The following ARHGAP6 variants were observed in gnomAD, a reference collection of about 807,000 sequenced individuals.
ARHGAP6 encodes rho GTPase-activating protein 6.
ARHGAP6 carries 16 observed loss-of-function variants against 55.7 expected under a neutral mutation model. The ratio of observed to expected loss-of-function variants is 0.29; its 90% confidence interval spans 0.19 to 0.44. The LOEUF is 0.44. Among genes scored for constraint, ARHGAP6 ranks in the 20% least tolerant of loss-of-function variants. The pLI is 1.00. For synonymous variants in ARHGAP6, 382 were observed against 360.9 expected (o/e 1.06, Z -0.66); for missense variants, 698 against 808.9 (o/e 0.86, Z 1.66).
chrX:11,388,947 G>T (rs1424538492), intron 1 of ARHGAP6, among the ~76,000 whole-genome samples: 2 of 112,126 alleles, frequency 1.8e-5, no homozygotes, highest in African/African-American at 6.5e-5. Context: ...GCAACACGGA[G>T]ATAAGAATGT....
At chrX:11,166,679 T>C (rs1426263776) in intron 9 of ARHGAP6, among the ~76,000 whole-genome samples, 2 of 112,200 alleles carry the variant, frequency 1.8e-5, no homozygotes, top group African/African-American at 6.5e-5. Context: ...TTTTCTCCTG[T>C]GCTTTATAAA....
chrX:11,169,739 G>T, intron 8 of ARHGAP6, 55 bp from the exon 9 acceptor site: 1 of 940,421 alleles, frequency 1.1e-6, no homozygotes, highest in Non-Finnish European at 1.4e-6. Context: ...CAAGATACTG[G>T]GTGATTCAAC....
intron 1 of ARHGAP6, among the ~76,000 whole-genome samples, chrX:11,468,752 T>C (rs778545577): frequency 8.9e-6 from 1 of 112,299 alleles, no homozygotes; most frequent in South Asian, 3.7e-4. Context: ...TGATGCTAAG[T>C]GGCAATTTCT....
chrX:11,463,170 C>T (rs1446357763), intron 1 of ARHGAP6, among the ~76,000 whole-genome samples: 2 of 111,972 alleles, frequency 1.8e-5, no homozygotes, highest in East Asian at 2.8e-4. Flanking sequence ...CCTCACTATA[C>T]AGTGAAGTTA....
chrX:11,234,371 T>C (rs2047171353), intron 2 of ARHGAP6, among the ~76,000 whole-genome samples: 1 of 112,479 alleles, frequency 8.9e-6, no homozygotes, highest in East Asian at 2.8e-4. Context: ...CTTGCATATT[T>C]GGAGCCTTTC....
chrX:11,638,251 T>C (rs1266482618), intron 1 of ARHGAP6, among the ~76,000 whole-genome samples: 1 of 111,529 alleles, frequency 9.0e-6, no homozygotes, highest in African/African-American at 3.3e-5. Context: ...AATGACAAAG[T>C]CAAAAAAGAA....
chrX:11,482,901 G>A (rs770625067), intron 1 of ARHGAP6, among the ~76,000 whole-genome samples: 19 of 111,835 alleles, frequency 1.7e-4, no homozygotes, highest in African/African-American at 5.8e-4. Context: ...GTACTTCTCT[G>A]TGGAGTTGCA....
chrX:11,583,470 C>T (rs183219370), intron 1 of ARHGAP6, among the ~76,000 whole-genome samples: 6 of 112,218 alleles, frequency 5.3e-5, no homozygotes, highest in East Asian at 2.8e-4. Context: ...CTCTCTGTTA[C>T]GATCAAATCC....
At chrX:11,318,359 C>T (rs1336712444) in intron 1 of ARHGAP6, among the ~76,000 whole-genome samples, 10 of 111,859 alleles carry the variant, frequency 8.9e-5, no homozygotes, top group Non-Finnish European at 1.3e-4. Flanking sequence ...GAGCTTACAA[C>T]TAATGTAATC....
intron 1 of ARHGAP6, among the ~76,000 whole-genome samples, chrX:11,351,143 C>T (rs778002090): frequency 6.4e-5 from 7 of 109,112 alleles, no homozygotes; most frequent in Non-Finnish European, 1.1e-4. Flanking sequence ...AACCACAAAA[C>T]GGAATGTTTT....
intron 1 of ARHGAP6, among the ~76,000 whole-genome samples, chrX:11,579,714 G>C (rs1285493874): frequency 8.9e-6 from 1 of 112,082 alleles, no homozygotes; most frequent in Non-Finnish European, 1.9e-5. Context: ...ATCTCTAAAT[G>C]AATTATTATG....
At chrX:11,375,860 G>A (rs1381853491) in intron 1 of ARHGAP6, among the ~76,000 whole-genome samples, 2 of 111,736 alleles carry the variant, frequency 1.8e-5, no homozygotes, top group African/African-American at 6.5e-5. Context: ...GAGACCAAGA[G>A]GGCTCAAAGG....
intron 1 of ARHGAP6, among the ~76,000 whole-genome samples, chrX:11,527,398 G>A (rs1196028295): frequency 8.9e-6 from 1 of 111,875 alleles, no homozygotes; most frequent in Non-Finnish European, 1.9e-5. Flanking sequence ...TGGATCACAA[G>A]GTCAGGAGTT....
chrX:11,445,618 C>T (rs2050085056), intron 1 of ARHGAP6, among the ~76,000 whole-genome samples: 1 of 111,977 alleles, frequency 8.9e-6, no homozygotes, highest in African/African-American at 3.2e-5. Flanking sequence ...GATATCAAAT[C>T]TGGAACTTTG....
chrX:11,456,986 T>C (rs1158770672), intron 1 of ARHGAP6, among the ~76,000 whole-genome samples: 2 of 111,606 alleles, frequency 1.8e-5, no homozygotes, highest in Non-Finnish European at 3.8e-5. Context: ...CAATCAAACA[T>C]GCAGGACATA....
At chrX:11,292,378 AAC>A (rs1400768837) in intron 1 of ARHGAP6, among the ~76,000 whole-genome samples, 1 of 111,889 alleles carries the variant, frequency 8.9e-6, no homozygotes, top group Non-Finnish European at 1.9e-5. Context: ...AGAGGGGTAA[AAC>A]ACACATGAAT....
intron 1 of ARHGAP6, among the ~76,000 whole-genome samples, chrX:11,444,872 A>C (rs2050077080): frequency 8.9e-6 from 1 of 112,090 alleles, no homozygotes; most frequent in Non-Finnish European, 1.9e-5. Flanking sequence ...AAGGGGGAAC[A>C]ATCTTTTTTC....
chrX:11,597,819 A>T (rs1016792566), intron 1 of ARHGAP6, among the ~76,000 whole-genome samples: 1 of 112,021 alleles, frequency 8.9e-6, no homozygotes, highest in African/African-American at 3.2e-5. Flanking sequence ...TTGTGAAAAA[A>T]TTGAGGAGAG....
intron 2 of ARHGAP6, among the ~76,000 whole-genome samples, chrX:11,211,274 T>C (rs910314450): frequency 1.1e-4 from 11 of 101,982 alleles, no homozygotes; most frequent in Admixed American, 2.2e-4. Flanking sequence ...CAGGCTGGAG[T>C]GCACTGGCGC....
Sources: gnomAD v4.1 joint callset for allele counts (sites outside exome capture counted in the v4.1 genomes callset) on GRCh38, gnomAD v4.1.1 for gene constraint, MANE v1.5 for transcripts, NCBI Gene and HGNC (gene_info 2026-07-23, HGNC 2026-07-21) for gene names.